The following CCDC178 variants were observed in gnomAD, a reference collection of about 807,000 sequenced individuals.
CCDC178 encodes the protein coiled-coil domain-containing protein 178.
A neutral mutation model predicts 117.4 loss-of-function variants in CCDC178; 126 were observed. That is an observed-to-expected ratio of 1.07 (90% CI 0.93 to 1.24). The LOEUF is 1.24. Ranked by LOEUF, CCDC178 falls within the 50% of genes most tolerant of loss-of-function variation. The pLI, the probability that CCDC178 is intolerant of heterozygous loss-of-function variation, is 0.00. For synonymous variants in CCDC178, 283 were observed against 313.4 expected (o/e 0.90, Z 1.02); for missense variants, 1,030 against 986.9 (o/e 1.04, Z -0.59).
chr18:33,173,558 A>C (rs2058629793), intron 20 of CCDC178, among the ~76,000 whole-genome samples: 1 of 152,166 alleles, frequency 6.6e-6, no homozygotes, highest in African/African-American at 2.4e-5. Flanking sequence ...TTTTTCCTTA[A>C]AGTTAGAGCA....
intron 22 of CCDC178, among the ~76,000 whole-genome samples, chr18:32,949,585 G>A (rs1315554814): frequency 6.6e-6 from 1 of 151,792 alleles, no homozygotes; most frequent in African/African-American, 2.4e-5. Context: ...AGTTCAATTG[G>A]GTCCTTTTTA....
intron 14 of CCDC178, 42 bp downstream of exon 14, chr18:33,266,874 T>A (rs2059822815): frequency 6.9e-7 from 1 of 1,440,266 alleles, no homozygotes; most frequent in South Asian, 1.4e-5. Context: ...ATTTAACATA[T>A]TGGATTATGG....
chr18:33,420,680 G>C (rs1393115193), intron 2 of CCDC178, among the ~76,000 whole-genome samples: 1 of 151,868 alleles, frequency 6.6e-6, no homozygotes. Flanking sequence ...TACCTATTGA[G>C]TACTACTAAT....
chr18:33,054,944 T>C (rs1300022134), intron 21 of CCDC178, among the ~76,000 whole-genome samples: 1 of 152,148 alleles, frequency 6.6e-6, no homozygotes, highest in Non-Finnish European at 1.5e-5. Context: ...TCATCTGTTG[T>C]TTTTTGGCTT....
intron 22 of CCDC178, among the ~76,000 whole-genome samples, chr18:32,954,983 A>G (rs188445891): frequency 1.9e-4 from 29 of 152,220 alleles, no homozygotes; most frequent in Admixed American, 1.2e-3. Flanking sequence ...CTTTATCTCC[A>G]GTGACATTAC....
intron 10 of CCDC178, among the ~76,000 whole-genome samples, chr18:33,324,798 T>G (rs2062563062): frequency 6.6e-6 from 1 of 151,884 alleles, no homozygotes; most frequent in Non-Finnish European, 1.5e-5. Context: ...GTCTTAAATG[T>G]CTATACCTTT....
chr18:32,991,468 G>A (rs143856464), intron 21 of CCDC178, among the ~76,000 whole-genome samples: 1 of 152,334 alleles, frequency 6.6e-6, no homozygotes, highest in African/African-American at 2.4e-5. Flanking sequence ...AAAAAAGTCT[G>A]TGGAGGCGCA....
chr18:33,303,211 T>C (rs1290087136), intron 11 of CCDC178, among the ~76,000 whole-genome samples: 1 of 152,170 alleles, frequency 6.6e-6, no homozygotes, highest in East Asian at 1.9e-4. Flanking sequence ...ATGTAATGCA[T>C]TTTACTAAGT....
chr18:33,312,604 G>T (rs933148512), intron 11 of CCDC178, among the ~76,000 whole-genome samples: 2 of 152,144 alleles, frequency 1.3e-5, no homozygotes, highest in South Asian at 4.1e-4. Flanking sequence ...CAAGCAGCTG[G>T]ACTCAGTTGC....
At chr18:33,433,692 A>G (rs2064250252) in intron 2 of CCDC178, among the ~76,000 whole-genome samples, 1 of 152,180 alleles carries the variant, frequency 6.6e-6, no homozygotes. Context: ...GAGAAAATGT[A>G]ATAAAACGCT....
chr18:33,396,968 A>G (rs775904292), intron 4 of CCDC178, among the ~76,000 whole-genome samples, 181 bp downstream of exon 4: 31 of 152,228 alleles, frequency 2.0e-4, no homozygotes, highest in Non-Finnish European at 3.5e-4. Context: ...AGTACATAAC[A>G]TACACTAGCA....
At chr18:33,054,932 C>T (rs2056804516) in intron 21 of CCDC178, among the ~76,000 whole-genome samples, 1 of 152,142 alleles carries the variant, frequency 6.6e-6, no homozygotes, top group South Asian at 2.1e-4. Context: ...CACACCTCGC[C>T]ATCATCTGTT....
chr18:33,321,723 TA>T (rs1196947080), intron 11 of CCDC178, among the ~76,000 whole-genome samples: 1 of 151,524 alleles, frequency 6.6e-6, no homozygotes, highest in Non-Finnish European at 1.5e-5. Flanking sequence ...AAAATACCAA[TA>T]ATCAACATGA....
chr18:33,194,821 T>C (rs552846112), intron 20 of CCDC178, among the ~76,000 whole-genome samples: 51 of 148,146 alleles, frequency 3.4e-4, no homozygotes, highest in Non-Finnish European at 5.5e-4. Context: ...CCCAGAACTT[T>C]GAGAGACTGA....
chr18:33,104,968 T>C (rs1235546647), intron 20 of CCDC178, among the ~76,000 whole-genome samples: 1 of 151,816 alleles, frequency 6.6e-6, no homozygotes, highest in East Asian at 1.9e-4. Context: ...TATTCTTTTA[T>C]ATGCACAAAT....
intron 22 of CCDC178, among the ~76,000 whole-genome samples, chr18:32,962,903 A>C (rs1461996978): frequency 6.6e-6 from 1 of 152,072 alleles, no homozygotes; most frequent in Non-Finnish European, 1.5e-5. Flanking sequence ...ATATTTTAGC[A>C]CTCGGTTTGG....
intron 22 of CCDC178, among the ~76,000 whole-genome samples, chr18:32,973,768 G>A (rs1037611183): frequency 2.0e-5 from 3 of 152,048 alleles, no homozygotes; most frequent in African/African-American, 7.2e-5. Context: ...TCATATTACT[G>A]AAAAGTGTGA....
At chr18:32,969,500 G>T (rs1171340288) in intron 22 of CCDC178, among the ~76,000 whole-genome samples, 3 of 152,024 alleles carry the variant, frequency 2.0e-5, no homozygotes, top group Non-Finnish European at 2.9e-5. Context: ...TGTTCCCAGT[G>T]TTGGCTTCTA....
intron 2 of CCDC178, among the ~76,000 whole-genome samples, chr18:33,432,952 T>C (rs1298974046): frequency 1.3e-5 from 2 of 152,172 alleles, no homozygotes; most frequent in Non-Finnish European, 2.9e-5. Context: ...GAGACTGATA[T>C]TATCAACTAT....
Sources: allele counts gnomAD v4.1 joint callset (sites outside exome capture counted in the v4.1 genomes callset), GRCh38; gene constraint gnomAD v4.1.1; transcripts MANE v1.5; gene names NCBI Gene and HGNC (gene_info 2026-07-23, HGNC 2026-07-21).